RIT2: variants seen among roughly 807,000 people sequenced by gnomAD.
RIT2 encodes the protein GTP-binding protein Rit2.
RIT2 carries 24 observed loss-of-function variants against 23.7 expected under a neutral mutation model. That is an observed-to-expected ratio of 1.01 (90% CI 0.73 to 1.43). The LOEUF (loss-of-function observed/expected upper bound fraction) is 1.43, where lower values mean the gene tolerates loss of function less well. Ranked by LOEUF, RIT2 falls within the 40% of genes most tolerant of loss-of-function variation. The pLI is 0.00. For synonymous variants in RIT2, 107 were observed against 91.1 expected, an observed-to-expected ratio of 1.17 and a Z score of -0.99; for missense variants, 236 against 266.9, an observed-to-expected ratio of 0.88 and a Z score of 0.81.
chr18:43,035,890 A>C (rs192297236), intron 1 of RIT2, among the ~76,000 whole-genome samples: 6 of 152,332 alleles, frequency 3.9e-5, no homozygotes, highest in Non-Finnish European at 8.8e-5. Context: ...TGTTCTTACC[A>C]ATTTAACTAG....
At chr18:42,923,809 C>A in intron 3 of RIT2, 46 bp from the exon 4 acceptor site, 3 of 1,419,368 alleles carry the variant, frequency 2.1e-6, no homozygotes, top group Non-Finnish European at 2.9e-6. Context: ...TTCAATATAG[C>A]TAATTAATAT....
At chr18:42,820,161 A>T (rs1351766766) in intron 4 of RIT2, among the ~76,000 whole-genome samples, 2 of 152,132 alleles carry the variant, frequency 1.3e-5, no homozygotes, top group Non-Finnish European at 2.9e-5. Flanking sequence ...TGGATAATGA[A>T]CCCACAGATA....
At chr18:43,035,080 A>T (rs1214843530) in intron 1 of RIT2, among the ~76,000 whole-genome samples, 1 of 152,198 alleles carries the variant, frequency 6.6e-6, no homozygotes, top group African/African-American at 2.4e-5. Flanking sequence ...AAGTGTGTAC[A>T]CACTTTAGCA....
intron 4 of RIT2, among the ~76,000 whole-genome samples, chr18:42,778,446 A>T (rs1913729047): frequency 6.6e-6 from 1 of 152,220 alleles, no homozygotes; most frequent in Non-Finnish European, 1.5e-5. Flanking sequence ...ATAAATATCT[A>T]CTGGACTTTA....
chr18:42,809,880 GTA>G (rs1212575827), intron 4 of RIT2, among the ~76,000 whole-genome samples: 12 of 138,066 alleles, frequency 8.7e-5, no homozygotes, highest in South Asian at 6.6e-4. Flanking sequence ...TATATAATTT[GTA>G]TATATGTTAT....
intron 4 of RIT2, among the ~76,000 whole-genome samples, chr18:42,807,571 C>A (rs1483980639): frequency 6.6e-6 from 1 of 152,082 alleles, no homozygotes; most frequent in Non-Finnish European, 1.5e-5. Flanking sequence ...GAGCCAAGAT[C>A]GCACCACTGC....
chr18:42,790,387 G>GA (rs1202186777), intron 4 of RIT2, among the ~76,000 whole-genome samples: 6 of 152,146 alleles, frequency 3.9e-5, no homozygotes, highest in East Asian at 1.9e-4. Context: ...CTCTAATACA[G>GA]AAAAAAACAT....
intron 4 of RIT2, among the ~76,000 whole-genome samples, chr18:42,791,386 A>C (rs1209589674): frequency 6.6e-6 from 1 of 152,186 alleles, no homozygotes; most frequent in East Asian, 1.9e-4. Flanking sequence ...CTGGGTACTT[A>C]ACCTTCTTTT....
intron 3 of RIT2, among the ~76,000 whole-genome samples, chr18:42,924,586 A>G (rs570624991): frequency 2.4e-4 from 36 of 152,250 alleles, no homozygotes; most frequent in Non-Finnish European, 4.6e-4. Context: ...CTAATTAGAT[A>G]GAAGCAATGA....
At chr18:42,800,696 A>AT (rs1252740573) in intron 4 of RIT2, among the ~76,000 whole-genome samples, 1 of 151,632 alleles carries the variant, frequency 6.6e-6, no homozygotes, top group Non-Finnish European at 1.5e-5. Flanking sequence ...CGCCCAGCTA[A>AT]TTTTTTGTAT....
At chr18:42,862,192 C>G (rs1389865112) in intron 4 of RIT2, among the ~76,000 whole-genome samples, 1 of 152,096 alleles carries the variant, frequency 6.6e-6, no homozygotes, top group Non-Finnish European at 1.5e-5. Flanking sequence ...GCTGGTTCCC[C>G]TATGCTGTTC....
At chr18:42,801,074 G>A (rs7228468) in intron 4 of RIT2, among the ~76,000 whole-genome samples, 47,847 of 152,004 alleles carry the variant, frequency 0.31, 10,414 homozygotes, top group African/African-American at 0.61. Context: ...CATGTGTCAT[G>A]ATTTGTCAAC....
At chr18:42,833,900 A>T (rs181138039) in intron 4 of RIT2, among the ~76,000 whole-genome samples, 5 of 152,310 alleles carry the variant, frequency 3.3e-5, no homozygotes, top group Admixed American at 3.3e-4. Flanking sequence ...CCTGTGGTGA[A>T]AAGGATTAGC....
intron 2 of RIT2, among the ~76,000 whole-genome samples, chr18:43,008,060 T>A (rs1317906957): frequency 6.6e-6 from 1 of 151,622 alleles, no homozygotes; most frequent in East Asian, 1.9e-4. Context: ...CACATATGAA[T>A]TTGTCTTTCC....
At chr18:42,745,376 A>G (rs1177999728) in intron 4 of RIT2, among the ~76,000 whole-genome samples, 1 of 152,200 alleles carries the variant, frequency 6.6e-6, no homozygotes, top group Non-Finnish European at 1.5e-5. Context: ...ACAACACATC[A>G]TATGGTTAAT....
intron 4 of RIT2, among the ~76,000 whole-genome samples, chr18:42,780,309 G>A (rs1913781234): frequency 6.6e-6 from 1 of 151,980 alleles, no homozygotes. Flanking sequence ...TTGACTGTTG[G>A]TTGAAAGAGT....
At chr18:43,100,304 A>G (rs551323414) in intron 1 of RIT2, among the ~76,000 whole-genome samples, 1 of 152,260 alleles carries the variant, frequency 6.6e-6, no homozygotes, top group Non-Finnish European at 1.5e-5. Context: ...CAAAGACCCT[A>G]AAAGGGAAGT....
At chr18:43,060,124 T>C (rs1325172633) in intron 1 of RIT2, among the ~76,000 whole-genome samples, 1 of 152,122 alleles carries the variant, frequency 6.6e-6, no homozygotes, top group Non-Finnish European at 1.5e-5. Context: ...TAGAGAGCAG[T>C]AGAATTTTAG....
At chr18:42,811,736 C>T (rs916848968) in intron 4 of RIT2, among the ~76,000 whole-genome samples, 7 of 151,868 alleles carry the variant, frequency 4.6e-5, no homozygotes, top group African/African-American at 9.7e-5. Flanking sequence ...TGGAAGGATT[C>T]GTTTGCAAAG....
Sources: gnomAD v4.1 joint callset for allele counts (sites outside exome capture counted in the v4.1 genomes callset) on GRCh38, gnomAD v4.1.1 for gene constraint, MANE v1.5 for transcripts, NCBI Gene and HGNC (gene_info 2026-07-23, HGNC 2026-07-21) for gene names.